Variants in CAPN8 observed in about 807,000 individuals in gnomAD.
CAPN8 encodes calpain 8.
Under a neutral mutation model 80.9 loss-of-function variants are expected in CAPN8, and 87 were observed. The ratio of observed to expected loss-of-function variants is 1.07; its 90% CI spans 0.90 to 1.28. CAPN8 has a LOEUF of 1.28. Among genes scored for constraint, CAPN8 ranks in the 50% most tolerant of loss-of-function variants. The pLI is 0.00. For synonymous variants in CAPN8, 299 were observed against 273.8 expected, an observed-to-expected ratio of 1.09 and a Z score of -0.91; for missense variants, 757 against 702.0, an observed-to-expected ratio of 1.08 and a Z score of -0.89.
At chr1:223,542,659 C>T (rs1214147401) in intron 20 of CAPN8, among the ~76,000 whole-genome samples, 1 of 152,170 alleles carries the variant, frequency 6.6e-6, no homozygotes, top group Admixed American at 6.5e-5. Context: ...GGGGGAAGTA[C>T]TCTGATTTTT....
chr1:223,553,958 G>A lies in CAPN8; in HGVS notation c.1573-58C>T, dbSNP rs930748452. On this transcript the variant is annotated intron_variant, in intron 13 of 20. Coordinates refer to ENST00000366872, the MANE Select transcript of CAPN8 (RefSeq NM_001143962.2). ...GGAATCGTCAAGGAGAATGAAAGACGAAGATTTAAAATTCATTCCTTCATC... is the reference window on the plus strand; with the variant it reads ...GGAATCGTCAAGGAGAATGAAAGACAAAGATTTAAAATTCATTCCTTCATC... The A allele has an allele frequency of 2.0e-3, 809 of 398,452 alleles. 1 individual carries two copies. Among genetic ancestry groups the A allele is most frequent in the South Asian group, 4.7e-3 (37 of 7,838 alleles). 24.7% of individuals were successfully genotyped at this position (398,452 alleles called of 1,614,324 possible).
chr1:223,653,273 G>C (rs780987793), intron 2 of CAPN8, among the ~76,000 whole-genome samples: 24 of 151,334 alleles, frequency 1.6e-4, no homozygotes, highest in Admixed American at 4.6e-4. Context: ...CTGCTTGATC[G>C]TCACGCTCTG....
At chr1:223,654,842 A>ATTTTTTTTTT (rs35365292) in intron 1 of CAPN8, among the ~76,000 whole-genome samples, 273 of 111,432 alleles carry the variant, frequency 2.4e-3, no homozygotes, top group East Asian at 3.4e-3. Context: ...CACCCGGCTA[A>ATTTTTTTTTT]TTTTTTTTTT....
Position 223,628,041 on chromosome 1 carries a change from G to C in CAPN8, c.528C>G (p.Phe176Leu). ...LFLHSEQGNEFWSALLEKAYA... is the reference protein window; with the variant it reads ...LFLHSEQGNELWSALLEKAYA... ...AGGCTTTCTCCAGCAGGGCACTCCA[G>C]AATTCATTGCCTTGTTCCGAGTGTA... is the stretch of plus-strand genomic sequence containing the variant. Residue 176 changes from phenylalanine to leucine, a missense_variant, in exon 4 of 21, where the codon TTC (phenylalanine) becomes TTG (leucine). Coordinates refer to ENST00000366872, the MANE Select transcript of CAPN8 (RefSeq NM_001143962.2). The C allele has an allele frequency of 6.5e-7, 1 of 1,550,362 alleles. No homozygotes were observed. The highest frequency in any genetic ancestry group is 8.7e-7 in the Non-Finnish European group (1 of 1,146,178).
At chr1:223,553,542 A>G (rs1656847232) in intron 14 of CAPN8, among the ~76,000 whole-genome samples, 4 of 152,214 alleles carry the variant, frequency 2.6e-5, no homozygotes. Flanking sequence ...GACAGGGCCA[A>G]TCTGCAAACA....
At position 223,541,691 on chromosome 1, in the gene CAPN8, G is replaced by T. The variant is rs964605179; in HGVS notation, c.*145C>A. The T allele has an allele frequency of 3.0e-6, 4 of 1,317,116 alleles. No individual in the cohort carries two copies. In the African/African-American group the frequency reaches 4.4e-5, roughly 14 times the overall value. 81.6% of individuals were successfully genotyped at this position (1,317,116 alleles called of 1,614,324 possible). On this transcript the variant is annotated 3_prime_UTR_variant, in exon 21 of 21. Coordinates refer to ENST00000366872, the MANE Select transcript of CAPN8 (RefSeq NM_001143962.2). ...GTCGGCTTACATAGCTCATAGCTCA[G>T]TGCTGCTGAAATAGACCCAGGGCAA...
chr1:223,618,243 C>T (rs1210174345), intron 9 of CAPN8: 2 of 1,550,560 alleles, frequency 1.3e-6, no homozygotes, highest in Non-Finnish European at 1.7e-6. Context: ...TGAGTTTCTT[C>T]ATCAGGTGCT....
intron 12 of CAPN8, 128 bp from the exon 13 acceptor site, chr1:223,558,295 T>C (rs1411962580): frequency 4.6e-5 from 18 of 394,232 alleles, no homozygotes; most frequent in Non-Finnish European, 6.7e-5. Flanking sequence ...CATTTCCTAC[T>C]AAAAACTGCA....
rs527742537 is a variant in CAPN8 at position 223,627,828 on chromosome 1, C to T, written c.560+181G>A. ...CAGAGCTGAGATGCTAAACTCCCCG[C>T]CCAGATTTCTGTTTCTCTTAGTTAC... On this transcript the variant is annotated intron_variant, in intron 4 of 20. Coordinates refer to ENST00000366872, the MANE Select transcript of CAPN8 (RefSeq NM_001143962.2). Among the ~76,000 whole-genome samples the T allele has an allele frequency of 3.9e-5, 6 of 152,248 alleles. No individual in the cohort carries two copies. In the South Asian group the frequency reaches 6.2e-4, roughly 16 times the overall value.
At chr1:223,650,092 CAA>C (rs1419822598) in intron 2 of CAPN8, among the ~76,000 whole-genome samples, 1 of 152,030 alleles carries the variant, frequency 6.6e-6, no homozygotes, top group African/African-American at 2.4e-5. Flanking sequence ...AGTGGTAGAT[CAA>C]GAGAGAGAGA....
chr1:223,643,814 G>C (rs1016887010), intron 2 of CAPN8, among the ~76,000 whole-genome samples: 1 of 152,212 alleles, frequency 6.6e-6, no homozygotes, highest in Admixed American at 6.5e-5. Context: ...CCATAATTCA[G>C]GCCCGGTGGG....
chr1:223,654,477 TC>T, intron 1 of CAPN8, 78 bp from the exon 2 acceptor site: 2 of 1,317,804 alleles, frequency 1.5e-6, no homozygotes, highest in Non-Finnish European at 2.1e-6. Flanking sequence ...AACATCAGAG[TC>T]CCAGGTTGCA....
At chr1:223,630,278 C>G (rs994444078) in intron 2 of CAPN8, among the ~76,000 whole-genome samples, 2 of 146,340 alleles carry the variant, frequency 1.4e-5, no homozygotes, top group Admixed American at 1.4e-4. Context: ...CTGTCTGTCT[C>G]TCTCTCTCTC....
intron 2 of CAPN8, 110 bp from the exon 3 acceptor site, chr1:223,628,890 T>C (rs549982719): frequency 5.1e-6 from 4 of 784,488 alleles, no homozygotes; most frequent in Admixed American, 5.5e-5. Flanking sequence ...CATTCCCTTC[T>C]GAGTCAGGTA....
intron 8 of CAPN8, 109 bp from the exon 9 acceptor site, chr1:223,619,562 G>A (rs986677926): frequency 1.8e-6 from 2 of 1,138,690 alleles, no homozygotes. Context: ...TAGAGGCCGT[G>A]GGCTAGCTTG....
At chr1:223,558,311 A>G (rs947349771) in intron 12 of CAPN8, 144 bp from the exon 13 acceptor site, 5 of 393,646 alleles carry the variant, frequency 1.3e-5, no homozygotes, top group Non-Finnish European at 2.2e-5. Flanking sequence ...CTGCATAAAC[A>G]GAATCTTTAG....
intron 10 of CAPN8, among the ~76,000 whole-genome samples, chr1:223,612,526 C>A (rs1280499639): frequency 1.3e-5 from 2 of 152,062 alleles, no homozygotes; most frequent in Non-Finnish European, 2.9e-5. Flanking sequence ...GTTGTAGAAT[C>A]TACCAAGATC....
At chr1:223,664,220 C>T (rs142536084) in intron 1 of CAPN8, among the ~76,000 whole-genome samples, 2,585 of 152,284 alleles carry the variant, frequency 0.017, 32 homozygotes, top group Non-Finnish European at 0.027. Context: ...CTCTGCCTTC[C>T]GTCTGCATCC....
chr1:223,648,297 T>G (rs2102731218), intron 2 of CAPN8, among the ~76,000 whole-genome samples: 2 of 152,318 alleles, frequency 1.3e-5, no homozygotes, highest in Middle Eastern at 6.8e-3. Context: ...CTGGGCCACA[T>G]GGAGCTGTCA....
Sources: allele counts gnomAD v4.1 joint callset (sites outside exome capture counted in the v4.1 genomes callset), GRCh38; gene constraint gnomAD v4.1.1; transcripts MANE v1.5; gene names NCBI Gene and HGNC (gene_info 2026-07-23, HGNC 2026-07-21).